EPHB2: variants seen among roughly 807,000 people sequenced by gnomAD.
EPHB2 encodes the protein EPH receptor B2, also known as ephrin type-B receptor 2.
EPHB2 carries 18 observed loss-of-function variants against 96.4 expected under a neutral mutation model. That is an observed-to-expected ratio of 0.19 (90% CI 0.13 to 0.28). EPHB2 has a LOEUF of 0.28. Among genes scored for constraint, EPHB2 ranks in the 10% least tolerant of loss-of-function variants. The pLI is 1.00. For missense variants in EPHB2, 989 were observed against 1,355.4 expected (o/e 0.73, Z 4.25); for synonymous variants, 506 against 534.1 (o/e 0.95, Z 0.72).
Position 22,863,146 on chromosome 1 carries a change from T to C in EPHB2, c.921T>C (p.Asn307=). 1.2e-6 allele frequency: 2 copies of C among 1,614,178 alleles called. No homozygotes were observed. The highest frequency in any genetic ancestry group is 2.2e-5 in the East Asian group (1 of 44,876). The change falls in exon 4 of 16, where the codon AAT becomes AAC. Residue 307 remains asparagine, a synonymous_variant. Transcript: ENST00000374630. ...SEGATNCVCR[N]GYYRADLDPL... ...GGGCCACCAACTGTGTCTGCCGCAATGGCTACTACAGAGCAGACCTGGACC... is the reference window on the plus strand; with the variant it reads ...GGGCCACCAACTGTGTCTGCCGCAACGGCTACTACAGAGCAGACCTGGACC...
At chr1:22,909,653 T>A (rs1640029725) in intron 13 of EPHB2, among the ~76,000 whole-genome samples, 1 of 152,140 alleles carries the variant, frequency 6.6e-6, no homozygotes, top group Admixed American at 6.5e-5. Flanking sequence ...ACATGGAGAC[T>A]TGAGGGCTTC....
At chr1:22,831,026 G>A (rs972624773) in intron 3 of EPHB2, among the ~76,000 whole-genome samples, 1 of 152,204 alleles carries the variant, frequency 6.6e-6, no homozygotes, top group Admixed American at 6.5e-5. Context: ...AAGGAAGAGG[G>A]GTAATGCTCC....
chr1:22,765,257 C>T (rs1373985547), intron 1 of EPHB2, among the ~76,000 whole-genome samples: 2 of 152,214 alleles, frequency 1.3e-5, no homozygotes, highest in East Asian at 3.9e-4. Flanking sequence ...GTAGAAAACC[C>T]TGAGTCTAGC....
chr1:22,882,350 C>T lies in EPHB2; in HGVS notation c.1304-9C>T, dbSNP rs755486424. ...CTCCCTGATCCCTGACCTCTGGCCT[C>T]TCTTCCAGCTCCATCGGCAGTGTCC... On this transcript the variant is annotated splice_polypyrimidine_tract_variant and intron_variant, in intron 5 of 15. Coordinates refer to ENST00000374630, the MANE Select transcript of EPHB2 (RefSeq NM_017449.5). The T allele has an allele frequency of 7.4e-6, 12 of 1,613,696 alleles. No individual in the cohort carries two copies. Among genetic ancestry groups the T allele is most frequent in the Non-Finnish European group, 1.0e-5 (12 of 1,179,922 alleles).
chr1:22,713,169 C>T (rs958445914), intron 1 of EPHB2, among the ~76,000 whole-genome samples: 1 of 152,250 alleles, frequency 6.6e-6, no homozygotes, highest in East Asian at 1.9e-4. Flanking sequence ...AGGGCTGCAG[C>T]AGGCACCCCA....
At chr1:22,802,377 T>C (rs1432457686) in intron 3 of EPHB2, among the ~76,000 whole-genome samples, 1 of 152,030 alleles carries the variant, frequency 6.6e-6, no homozygotes, top group Non-Finnish European at 1.5e-5. Flanking sequence ...GACTCTTCAT[T>C]TGCAAAACAC....
chr1:22,867,340 G>A (rs1638511524), intron 5 of EPHB2, among the ~76,000 whole-genome samples: 1 of 152,200 alleles, frequency 6.6e-6, no homozygotes, highest in East Asian at 1.9e-4. Context: ...TTGGGGACAG[G>A]GGTAGGGGAT....
chr1:22,735,073 A>G (rs1361762722), intron 1 of EPHB2, among the ~76,000 whole-genome samples: 1 of 151,464 alleles, frequency 6.6e-6, no homozygotes, highest in East Asian at 1.9e-4. Context: ...TGCTCTACCG[A>G]CTCCTGTGGC....
chr1:22,900,157 G>C (rs1443454393), intron 9 of EPHB2, among the ~76,000 whole-genome samples: 2 of 152,064 alleles, frequency 1.3e-5, no homozygotes, highest in Non-Finnish European at 2.9e-5. Context: ...AGCTGGGTGT[G>C]GTGGTGCACG....
intron 5 of EPHB2, among the ~76,000 whole-genome samples, chr1:22,876,707 T>G (rs1638848577): frequency 6.6e-6 from 1 of 152,200 alleles, no homozygotes. Context: ...CAGGGAAACC[T>G]GACACCCCAG....
At chr1:22,762,660 G>A (rs1265211734) in intron 1 of EPHB2, among the ~76,000 whole-genome samples, 1 of 152,164 alleles carries the variant, frequency 6.6e-6, no homozygotes, top group Non-Finnish European at 1.5e-5. Flanking sequence ...GGATGATTTA[G>A]GAGTTTCCTG....
At chr1:22,819,237 C>CTCTG (rs1018500198) in intron 3 of EPHB2, among the ~76,000 whole-genome samples, 1 of 151,224 alleles carries the variant, frequency 6.6e-6, no homozygotes, top group African/African-American at 2.4e-5. Flanking sequence ...CTCTCTCTCT[C>CTCTG]TCTCTCTCTC....
rs185501139 is a variant in EPHB2 at position 22,732,150 on chromosome 1, G to A, written c.61+21107G>A. ...GAGGTGATGAGCTCCCCTTATCTGT[G>A]CAGTGGGAATTAGAGGGCCTGCCTC... On this transcript the variant is annotated intron_variant, in intron 1 of 15. Transcript: ENST00000374630. 1.1e-4 allele frequency among the ~76,000 whole-genome samples: 16 copies of A among 152,302 alleles called. No homozygotes were observed. The East Asian group carries it at 2.5e-3, about 24-fold the overall frequency.
At chr1:22,831,891 C>A (rs1201252000) in intron 3 of EPHB2, among the ~76,000 whole-genome samples, 3 of 152,148 alleles carry the variant, frequency 2.0e-5, no homozygotes, top group African/African-American at 7.2e-5. Context: ...ATCCACCCCC[C>A]TACCTAGCCA....
At chr1:22,912,701 C>T in intron 15 of EPHB2, 102 bp downstream of exon 15, 1 of 1,564,388 alleles carries the variant, frequency 6.4e-7, no homozygotes, top group Non-Finnish European at 8.7e-7. Flanking sequence ...GATCATGTCC[C>T]AATAGGGAAG....
intron 6 of EPHB2, chr1:22,882,835 T>C (rs1639095558): frequency 5.8e-6 from 2 of 344,250 alleles, no homozygotes; most frequent in Non-Finnish European, 1.1e-5. Flanking sequence ...GCTGCACTTA[T>C]GAAGTGATAA....
chr1:22,894,984 A>G (rs554594512), intron 7 of EPHB2, among the ~76,000 whole-genome samples: 27 of 152,324 alleles, frequency 1.8e-4, no homozygotes, highest in Admixed American at 1.5e-3. Flanking sequence ...AACAATCCTG[A>G]GATAGGAAAT....
chr1:22,827,919 C>T (rs1031983347), intron 3 of EPHB2, among the ~76,000 whole-genome samples: 3 of 152,212 alleles, frequency 2.0e-5, no homozygotes, highest in East Asian at 1.9e-4. Context: ...GAGACCTGCA[C>T]GTGAGGGACA....
At chr1:22,855,250 G>A (rs1645681792) in intron 3 of EPHB2, among the ~76,000 whole-genome samples, 1 of 152,202 alleles carries the variant, frequency 6.6e-6, no homozygotes, top group Admixed American at 6.5e-5. Context: ...CCCCTACTCT[G>A]GGACCAAGAC....
Sources: allele counts gnomAD v4.1 joint callset (sites outside exome capture counted in the v4.1 genomes callset), GRCh38; gene constraint gnomAD v4.1.1; transcripts MANE v1.5; gene names NCBI Gene and HGNC (gene_info 2026-07-23, HGNC 2026-07-21).